Variants in PRRC2C observed in about 807,000 individuals in gnomAD.
PRRC2C encodes the protein proline rich coiled-coil 2C, also known as protein PRRC2C.
Under a neutral mutation model 317.2 loss-of-function variants are expected in PRRC2C, and 72 were observed. The ratio of observed to expected loss-of-function variants is 0.23; its 90% CI spans 0.19 to 0.28. PRRC2C has a LOEUF of 0.28. PRRC2C is among the 10% of genes least tolerant of loss of function. The pLI, the probability that PRRC2C is intolerant of heterozygous loss-of-function variation, is 1.00. For missense variants in PRRC2C, 3,074 were observed against 3,459.7 expected, an observed-to-expected ratio of 0.89 and a Z score of 2.80; for synonymous variants, 1,296 against 1,205.9, an observed-to-expected ratio of 1.07 and a Z score of -1.55.
At position 171,566,660 on chromosome 1, in the gene PRRC2C, A is replaced by G. The variant is rs1683719211; in HGVS notation, c.6375A>G (p.Leu2125=). The part of the protein sequence containing the change: ...KPGPIGKERS[L]KNRKVKDAQQ... ...GTCCCATTGGAAAGGAACGTTCATT[A>G]AAAAATAGAAAAGTAAAAGATGCCC... The change falls in exon 22 of 35, where the codon TTA becomes TTG. Residue 2125 remains leucine, a synonymous_variant. Transcript: ENST00000647382. 1 of 1,609,818 alleles carries G rather than the reference A, an allele frequency of 6.2e-7. No individual in the cohort carries two copies. The highest frequency in any genetic ancestry group is 8.5e-7 in the Non-Finnish European group (1 of 1,177,820).
chr1:171,557,772 C>A lies in PRRC2C; in HGVS notation c.5660C>A (p.Ala1887Asp). The A allele has an allele frequency of 6.4e-7, 1 of 1,550,846 alleles. No individual in the cohort carries two copies. Among genetic ancestry groups the A allele is most frequent in the Non-Finnish European group, 8.7e-7 (1 of 1,146,422 alleles). Residue 1887 changes from alanine (A) to aspartate (D), a missense_variant, in exon 19 of 35, where the codon GCC becomes GAC. Physicochemically the swap from Ala to Asp is moderately radical, Grantham distance 126 (BLOSUM62 -2). Coordinates refer to ENST00000647382, the MANE Select transcript of PRRC2C (RefSeq NM_001387844.1). ...GCCCCAGCAGCCTCTTCCCCAGCTG[C>A]CCCAGTCATCACAGCACCAACTATC... ...TPAPAASSPAAPVITAPTIPA... is the reference protein window; with the variant it reads ...TPAPAASSPADPVITAPTIPA...
Position 171,588,314 on chromosome 1 carries a change from G to T in PRRC2C, c.8073-65G>T, listed in dbSNP as rs894264423. 5.2e-6 allele frequency: 8 copies of T among 1,545,246 alleles called. No individual in the cohort carries two copies. The Admixed American group carries it at 5.8e-5, about 11-fold the overall frequency. ...GATGAAAATACCAAGAACGGTGTTT[G>T]CAAAAATCTAACAGCATTATTTACT... On this transcript the variant is annotated intron_variant, in intron 32 of 34. Coordinates refer to ENST00000647382, the MANE Select transcript of PRRC2C (RefSeq NM_001387844.1).
At chr1:171,566,206 G>C in intron 20 of PRRC2C, 27 bp from the exon 21 acceptor site, 1 of 1,574,624 alleles carries the variant, frequency 6.4e-7, no homozygotes, top group Non-Finnish European at 8.6e-7. Context: ...TACTTTGCAA[G>C]CAAGTTTTAA....
At position 171,568,236 on chromosome 1, in the gene PRRC2C, C is replaced by T. The variant is rs1317531802; in HGVS notation, c.6559-11C>T. 1 of 1,584,686 alleles carries T rather than the reference C, an allele frequency of 6.3e-7. No homozygotes were observed. The highest frequency in any genetic ancestry group is 8.6e-7 in the Non-Finnish European group (1 of 1,165,698). The stretch of plus-strand genomic sequence containing the variant: ...TTTAAAATGTATTTTTTTTCTATTA[C>T]TACTTCACAGGAGTCTGTAACAGAC... On this transcript the variant is annotated splice_polypyrimidine_tract_variant and intron_variant, in intron 22 of 34. Transcript: ENST00000647382.
rs1682592012 is a variant in PRRC2C, at chr1:171,561,073, A to G, written c.6087A>G (p.Leu2029=). 6.2e-7 allele frequency: 1 copy of G among 1,607,270 alleles called. No individual in the cohort carries two copies. Among genetic ancestry groups the G allele is most frequent in the African/African-American group, 1.3e-5 (1 of 74,760 alleles). Residue 2029 remains leucine, a synonymous_variant, in exon 20 of 35, where the codon TTA becomes TTG. Transcript: ENST00000647382. ...CAGTCAGTGCATGGAATAAGCCCTTAACATCGTTTGGATCAGCTCCTTCAT... is the reference window on the plus strand; with the variant it reads ...CAGTCAGTGCATGGAATAAGCCCTTGACATCGTTTGGATCAGCTCCTTCAT... ...PPSVSAWNKP[L]TSFGSAPSSE...
chr1:171,543,603 G>A (rs1571903385), intron 16 of PRRC2C, among the ~76,000 whole-genome samples: 1 of 152,180 alleles, frequency 6.6e-6, no homozygotes, highest in South Asian at 2.1e-4. Context: ...GCAATTGCCA[G>A]GTTTGCAGCC....
Position 171,541,222 on chromosome 1 carries a change from T to G in PRRC2C, c.3756T>G (p.Asp1252Glu). 6.2e-7 allele frequency: 1 copy of G among 1,613,410 alleles called. No homozygotes were observed. The highest frequency in any genetic ancestry group is 8.5e-7 in the Non-Finnish European group (1 of 1,179,752). ...EESETRSESS[D>E]FEVVPKRRRQ... ...GTGAAACACGGAGTGAGAGCTCTGA[T>G]TTTGAAGTTGTCCCCAAAAGAAGAC... The change falls in exon 16 of 35, where the codon GAT becomes GAG. Residue 1252 changes from aspartate (D) to glutamate (E), a missense_variant. Coordinates refer to ENST00000647382, the MANE Select transcript of PRRC2C (RefSeq NM_001387844.1). This position sits in a 1 kb window ranked among gnomAD's most constrained non-coding sequence, Gnocchi z 4.1.
At chr1:171,494,425 A>C (rs1667737186) in intron 1 of PRRC2C, among the ~76,000 whole-genome samples, 1 of 152,138 alleles carries the variant, frequency 6.6e-6, no homozygotes, top group Non-Finnish European at 1.5e-5. Context: ...AATTCAACAT[A>C]TGGTGGTATT....
intron 10 of PRRC2C, among the ~76,000 whole-genome samples, chr1:171,526,805 C>CTTGTTTTTTTTT (rs1674653884): frequency 1.1e-5 from 1 of 90,208 alleles, no homozygotes; most frequent in Non-Finnish European, 2.1e-5. Flanking sequence ...AGAAATATAT[C>CTTGTTTTTTTTT]TTTTTTTTTT....
At chr1:171,503,491 T>A (rs1669567514) in intron 1 of PRRC2C, among the ~76,000 whole-genome samples, 1 of 151,084 alleles carries the variant, frequency 6.6e-6, no homozygotes, top group South Asian at 2.1e-4. Context: ...GCCACTGCAC[T>A]CCAGCTTGAG....
At chr1:171,555,255 G>A (rs988183803) in intron 18 of PRRC2C, among the ~76,000 whole-genome samples, 22 of 151,962 alleles carry the variant, frequency 1.4e-4, no homozygotes, top group Admixed American at 1.3e-3. Context: ...TGATCGAATC[G>A]GCTACTGAAG....
intron 19 of PRRC2C, among the ~76,000 whole-genome samples, chr1:171,558,352 TTGA>T (rs1037362996): frequency 8.1e-5 from 11 of 135,092 alleles, no homozygotes; most frequent in African/African-American, 2.8e-4. Flanking sequence ...TAATTTTGTG[TTGA>T]TGAGAAAATA....
At chr1:171,577,380 G>A (rs1285878218) in intron 25 of PRRC2C, 54 bp from the exon 26 acceptor site, 8 of 1,439,262 alleles carry the variant, frequency 5.6e-6, no homozygotes, top group Middle Eastern at 1.7e-4. Flanking sequence ...GTGAACAATA[G>A]CAACACTTTT....
chr1:171,537,718 T>C (rs1677090749), intron 15 of PRRC2C, among the ~76,000 whole-genome samples: 1 of 152,116 alleles, frequency 6.6e-6, no homozygotes, highest in Non-Finnish European at 1.5e-5. Flanking sequence ...TGGTAGGTTC[T>C]TTTTTGAGAT....
chr1:171,587,582 A>G (rs1212608710), intron 31 of PRRC2C, 66 bp from the exon 32 acceptor site: 2 of 1,122,426 alleles, frequency 1.8e-6, no homozygotes, highest in East Asian at 2.5e-5. Context: ...CGTATAGGAC[A>G]TGTAAACACA....
rs1326178104 is a variant in PRRC2C, at chr1:171,591,773, T to C, written c.8623T>C (p.Ser2875Pro). 6.2e-7 allele frequency: 1 copy of C among 1,611,248 alleles called. No homozygotes were observed. The highest frequency in any genetic ancestry group is 8.5e-7 in the Non-Finnish European group (1 of 1,179,628). ...AGAAGAAAAGCCACCCCCTGCACCC[T>C]CCATAGCCACCAAACCTGTTAGAAC... ...KVEEKPPPAP[S>P]IATKPVRTGP... The change falls in exon 35 of 35, where the codon TCC becomes CCC. Residue 2875 changes from serine to proline, a missense_variant. Ser to Pro is a moderately conservative substitution (Grantham distance 74, BLOSUM62 -1). This residue lies in a region of PRRC2C where 78 missense variants were observed against 97.7 expected (regional missense o/e 0.80). Coordinates refer to ENST00000647382, the MANE Select transcript of PRRC2C (RefSeq NM_001387844.1).
rs370136564 is a variant in PRRC2C at position 171,545,683 on chromosome 1, T to C, written c.4968T>C (p.Tyr1656=). The part of the protein sequence containing the change: ...DALSQFDLNN[Y]ASVVIIDDHP... ...TATCACAGTTTGATCTCAACAATTATGCAAGTATGTCTTAGGTTTCTTTCA... is the reference window on the plus strand; with the variant it reads ...TATCACAGTTTGATCTCAACAATTACGCAAGTATGTCTTAGGTTTCTTTCA... Residue 1656 remains tyrosine (Y), a synonymous_variant, in exon 17 of 35, where the codon TAT becomes TAC. Transcript: ENST00000647382. 7.3e-5 allele frequency: 112 copies of C among 1,528,092 alleles called. No individual in the cohort carries two copies. Among genetic ancestry groups the C allele is most frequent in the East Asian group, 2.3e-5 (1 of 43,106 alleles). 94.7% of individuals were successfully genotyped at this position (1,528,092 alleles called of 1,614,324 possible).
chr1:171,578,156 A>G (rs998803502), intron 26 of PRRC2C, among the ~76,000 whole-genome samples: 3 of 152,082 alleles, frequency 2.0e-5, no homozygotes, highest in African/African-American at 7.2e-5. Flanking sequence ...TACTTACTGT[A>G]GTAACAGTTT....
chr1:171,546,277 A>G (rs1349472866), intron 17 of PRRC2C, among the ~76,000 whole-genome samples: 3 of 152,250 alleles, frequency 2.0e-5, no homozygotes, highest in Admixed American at 2.0e-4. Context: ...GACATTGTAC[A>G]TGTAAAATGT....
Sources: allele counts gnomAD v4.1 joint callset (sites outside exome capture counted in the v4.1 genomes callset), GRCh38; gene constraint gnomAD v4.1.1; regional missense constraint gnomAD v4.1.1; non-coding constraint Gnocchi (gnomAD v3.1); transcripts MANE v1.5; gene names NCBI Gene and HGNC (gene_info 2026-07-23, HGNC 2026-07-21).